Variants in FCSK observed in about 807,000 individuals in gnomAD.
FCSK encodes the protein fucose kinase.
In FCSK, 123 loss-of-function variants were observed where a neutral mutation model predicts 122.5. That is an observed-to-expected ratio of 1.00 (90% confidence interval 0.87 to 1.17). The LOEUF (loss-of-function observed/expected upper bound fraction) is 1.17, where lower values mean the gene tolerates loss of function less well. FCSK is among the 50% of genes most tolerant of loss of function. The probability of loss-of-function intolerance (pLI) is 0.00; values close to 1 mark genes in which losing one functional copy is unlikely to be tolerated. For synonymous variants in FCSK, 620 were observed against 625.5 expected (o/e 0.99, Z 0.13); for missense variants, 1,366 against 1,450.4 (o/e 0.94, Z 0.95).
rs1467898029 is a variant in FCSK, at chr16:70,473,379, C to T, written c.1777+26C>T. 1 of 1,467,686 alleles carries T rather than the reference C, an allele frequency of 6.8e-7. No homozygotes were observed. Among genetic ancestry groups the T allele is most frequent in the Admixed American group, 2.4e-5 (1 of 42,494 alleles). 90.9% of individuals were successfully genotyped at this position (1,467,686 alleles called of 1,614,324 possible). A position where few individuals can be genotyped will look rare whatever the true frequency, so the allele number is the denominator to read the frequency against. ...GTGAGTGTGCAGGCTGGTAGTGCTG[C>T]AGAATCAGGCCAGGGGCACCTGCCC... On this transcript the variant is annotated intron_variant, in intron 15 of 23. Coordinates refer to ENST00000288078, the MANE Select transcript of FCSK (RefSeq NM_145059.3). The surrounding 1 kb of genome is among the most constrained non-coding windows in gnomAD (Gnocchi z 4.9).
At chr16:70,468,618 G>T (rs2048503879) in intron 8 of FCSK, among the ~76,000 whole-genome samples, 1 of 152,020 alleles carries the variant, frequency 6.6e-6, no homozygotes, top group Non-Finnish European at 1.5e-5. Flanking sequence ...GGCGAGGGTG[G>T]AGAACTGGGT....
chr16:70,469,767 A>G (rs1236135227), intron 10 of FCSK, among the ~76,000 whole-genome samples: 1 of 150,924 alleles, frequency 6.6e-6, no homozygotes, highest in African/African-American at 2.4e-5. Context: ...TCCTGGCCTC[A>G]GGTGACCCGC....
intron 5 of FCSK, 49 bp from the exon 6 acceptor site, chr16:70,466,833 G>A (rs1410745739): frequency 1.3e-6 from 2 of 1,555,524 alleles, no homozygotes; most frequent in Middle Eastern, 4.2e-4. Context: ...GGGGGCAGGT[G>A]AAGGCCTGGG....
In FCSK at chr16:70,466,204, G is replaced by A. The variant is rs758111686; in HGVS notation, c.358G>A (p.Val120Met). ...CLPVENPEAPVEALVCNLDCL... is the reference protein window; with the variant it reads ...CLPVENPEAPMEALVCNLDCL... ...CCCCGTGGAGAACCCCGAGGCCCCC[G>A]TGGAAGCCTTGGTCTGCAACCTGGA... Residue 120 changes from valine (V) to methionine (M), a missense_variant, in exon 5 of 24, where the codon GTG (valine) becomes ATG (methionine). Transcript: ENST00000288078. 8.7e-6 allele frequency: 14 copies of A among 1,613,808 alleles called. No homozygotes were observed. The East Asian group carries it at 1.3e-4, about 15-fold the overall frequency.
chr16:70,479,730 C>A lies in FCSK; in HGVS notation c.*50C>A, dbSNP rs1235963131. 2 of 1,466,242 alleles carry A rather than the reference C, an allele frequency of 1.4e-6. No homozygotes were observed. The highest frequency in any genetic ancestry group is 1.9e-6 in the Non-Finnish European group (2 of 1,056,396). 90.8% of individuals were successfully genotyped at this position (1,466,242 alleles called of 1,614,324 possible). ...GAAAACCTGGAGCTACAGTGTCCCC[C>A]ACCTTCCTTGCCCCATGGGAACCTC... is the stretch of plus-strand genomic sequence containing the variant. On this transcript the variant is annotated 3_prime_UTR_variant, in exon 24 of 24. Coordinates refer to ENST00000288078, the MANE Select transcript of FCSK (RefSeq NM_145059.3).
intron 6 of FCSK, 132 bp from the exon 7 acceptor site, chr16:70,467,242 T>C: frequency 1.5e-6 from 1 of 656,162 alleles, no homozygotes; most frequent in South Asian, 1.9e-5. Context: ...AATGTCCATT[T>C]GGCTTGGAAA....
rs770299466 is a variant in FCSK at position 70,475,424 on chromosome 16, C to A, written c.2452C>A (p.Leu818Met). 3.3e-5 allele frequency: 53 copies of A among 1,608,894 alleles called. No individual in the cohort carries two copies. The South Asian group carries it at 5.6e-4, about 17-fold the overall frequency. Residue 818 changes from leucine (L) to methionine (M), a missense_variant, in exon 19 of 24, where the codon CTG (leucine) becomes ATG (methionine). Physicochemically the swap from Leu to Met is conservative, Grantham distance 15. Transcript: ENST00000288078. Reference sequence around the variant, plus strand: ...CTCGGAACTCCAGCTGAGTGAGCAGCTGCTCCGCACCTTCGGGGGCGGCTT... The same window carrying A: ...CTCGGAACTCCAGCTGAGTGAGCAGATGCTCCGCACCTTCGGGGGCGGCTT... ...VHSELQLSEQ[L>M]LRTFGGGFEL...
At chr16:70,478,048 C>G in intron 20 of FCSK, 3 of 571,296 alleles carry the variant, frequency 5.3e-6, no homozygotes, top group Non-Finnish European at 9.3e-6. Flanking sequence ...AGGTCTAAAA[C>G]AAAACTCAGG....
intron 1 of FCSK, chr16:70,458,021 G>C (rs1401019089): frequency 6.6e-6 from 1 of 151,588 alleles, no homozygotes; most frequent in African/African-American, 2.4e-5. Context: ...TCTGTGAAGT[G>C]GAGATAATAG....
Position 70,463,716 on chromosome 16 carries a change from C to T in FCSK, c.176C>T (p.Ala59Val). ...DPEKRVGSGG[A>V]TLNALLVAAE... Reference sequence around the variant, plus strand: ...GAGAAGCGTGTGGGCAGCGGAGGAGCCACCCTCAACGCCCTGCTGGTGGCT... The same window carrying T: ...GAGAAGCGTGTGGGCAGCGGAGGAGTCACCCTCAACGCCCTGCTGGTGGCT... Residue 59 changes from alanine (A) to valine (V), a missense_variant, in exon 3 of 24, where the codon GCC becomes GTC. Transcript: ENST00000288078. The T allele has an allele frequency of 6.2e-7, 1 of 1,612,674 alleles. No individual in the cohort carries two copies. Among genetic ancestry groups the T allele is most frequent in the Non-Finnish European group, 8.5e-7 (1 of 1,179,992 alleles).
chr16:70,460,945 G>A (rs895034027), intron 1 of FCSK, among the ~76,000 whole-genome samples: 2 of 152,232 alleles, frequency 1.3e-5, no homozygotes, highest in African/African-American at 4.8e-5. Context: ...TGGTGGCAAA[G>A]TTGGAGGGAG....
intron 1 of FCSK, chr16:70,462,268 C>G (rs2151704050): frequency 6.6e-6 from 1 of 151,186 alleles, no homozygotes; most frequent in East Asian, 2.0e-4. Flanking sequence ...CCACCTTGGT[C>G]TTCCAAAGTG....
Position 70,473,283 on chromosome 16 carries a change from C to A in FCSK, c.1707C>A (p.Ser569Arg). ...TGCTGGAGGCCCGGCAGGACCTCAGCCTGCGCCCGCTGATCTGGGCTGCTG... is the reference window on the plus strand; with the variant it reads ...TGCTGGAGGCCCGGCAGGACCTCAGACTGCGCCCGCTGATCTGGGCTGCTG... ...RHVLEARQDL[S>R]LRPLIWAAVR... The change falls in exon 15 of 24, where the codon AGC (serine) becomes AGA (arginine). Residue 569 changes from serine to arginine, a missense_variant. Ser to Arg is a moderately radical substitution (Grantham distance 110). Coordinates refer to ENST00000288078, the MANE Select transcript of FCSK (RefSeq NM_145059.3). This position sits in a 1 kb window ranked among gnomAD's most constrained non-coding sequence, Gnocchi z 4.9. 1 of 1,528,962 alleles carries A rather than the reference C, an allele frequency of 6.5e-7. No homozygotes were observed. The allele number at this position is 1,528,962 out of a possible 1,614,324, so 94.7% of individuals were successfully genotyped here.
At chr16:70,466,361 T>C in intron 5 of FCSK, 104 bp downstream of exon 5, 1 of 1,446,602 alleles carries the variant, frequency 6.9e-7, no homozygotes, top group East Asian at 2.4e-5. Context: ...GGAGAAGGAA[T>C]GGTTTTGAGG....
intron 4 of FCSK, among the ~76,000 whole-genome samples, 164 bp from the exon 5 acceptor site, chr16:70,465,968 A>G (rs1449587032): frequency 5.3e-5 from 8 of 152,148 alleles, no homozygotes; most frequent in Admixed American, 4.6e-4. Flanking sequence ...TTGCAGTGCA[A>G]TGCAATGCAA....
intron 8 of FCSK, 23 bp from the exon 9 acceptor site, chr16:70,468,826 G>A (rs777540258): frequency 6.2e-7 from 1 of 1,613,782 alleles, no homozygotes; most frequent in Admixed American, 1.7e-5. Flanking sequence ...CTCCATCTCT[G>A]ATCCTTTTGG....
intron 19 of FCSK, 67 bp from the exon 20 acceptor site, chr16:70,475,581 A>T: frequency 6.3e-7 from 1 of 1,579,740 alleles, no homozygotes; most frequent in Non-Finnish European, 8.6e-7. Flanking sequence ...CTGCCCTTAG[A>T]CGGAGTCAGG....
At chr16:70,462,856 G>A (rs1264563830) in intron 1 of FCSK, among the ~76,000 whole-genome samples, 1 of 151,964 alleles carries the variant, frequency 6.6e-6, no homozygotes, top group Non-Finnish European at 1.5e-5. Context: ...TGTTGGCCAG[G>A]CTGGTCTCCA....
chr16:70,462,606 G>A (rs1245500895), intron 1 of FCSK, among the ~76,000 whole-genome samples: 1 of 149,306 alleles, frequency 6.7e-6, no homozygotes, highest in Middle Eastern at 4.0e-3. Context: ...AATTACAGAT[G>A]TAAGCTACTA....
Sources: gnomAD v4.1 joint callset for allele counts (sites outside exome capture counted in the v4.1 genomes callset) on GRCh38, gnomAD v4.1.1 for gene constraint, Gnocchi (gnomAD v3.1) non-coding constraint, MANE v1.5 for transcripts, NCBI Gene and HGNC (gene_info 2026-07-23, HGNC 2026-07-21) for gene names.